Variants in HTR3B observed in about 807,000 individuals in gnomAD.
HTR3B encodes the protein 5-hydroxytryptamine (serotonin) receptor 3B, ionotropic.
HTR3B carries 44 observed loss-of-function variants against 42.8 expected under a neutral mutation model. The ratio of observed to expected loss-of-function variants is 1.03; its 90% CI spans 0.81 to 1.32. The LOEUF is 1.32. Among genes scored for constraint, HTR3B ranks in the 40% most tolerant of loss-of-function variants. The probability of loss-of-function intolerance (pLI) is 0.00; values close to 1 mark genes in which losing one functional copy is unlikely to be tolerated. For missense variants in HTR3B, 527 were observed against 536.5 expected, an observed-to-expected ratio of 0.98 and a Z score of 0.17; for synonymous variants, 203 against 209.0, an observed-to-expected ratio of 0.97 and a Z score of 0.25.
chr11:113,914,967 T>A (rs1364139942), intron 2 of HTR3B, among the ~76,000 whole-genome samples: 1 of 152,218 alleles, frequency 6.6e-6, no homozygotes, highest in African/African-American at 2.4e-5. Context: ...TGCTAATTTG[T>A]ATTTTTAAGA....
intron 2 of HTR3B, among the ~76,000 whole-genome samples, chr11:113,927,452 G>A (rs1045538164): frequency 2.0e-5 from 3 of 152,014 alleles, no homozygotes; most frequent in Admixed American, 1.3e-4. Context: ...AAAAATTCAC[G>A]TAATTCAAAT....
intron 8 of HTR3B, among the ~76,000 whole-genome samples, chr11:113,945,627 T>C (rs1485682418): frequency 1.1e-4 from 16 of 152,194 alleles, no homozygotes; most frequent in Non-Finnish European, 2.9e-5. Flanking sequence ...CTGAGTCCAT[T>C]TGGGCTGACC....
rs772660912 is a variant in HTR3B, at chr11:113,904,959, T to C, written c.26T>C (p.Leu9Pro). 7 of 1,613,700 alleles carry C rather than the reference T, an allele frequency of 4.3e-6. No homozygotes were observed. Among genetic ancestry groups the C allele is most frequent in the East Asian group, 4.5e-5 (2 of 44,876 alleles). ...ATGTTGTCAAGTGTAATGGCTCCCC[T>C]GTGGGCCTGCATCCTGGTGGCTGCA... Reference protein sequence around the residue: MLSSVMAPLWACILVAAGI... With the variant: MLSSVMAPPWACILVAAGI... Residue 9 changes from leucine to proline, a missense_variant, in exon 1 of 9, where the codon CTG becomes CCG. Leu to Pro is a moderately conservative substitution (Grantham distance 98, BLOSUM62 -3). Coordinates refer to ENST00000260191, the MANE Select transcript of HTR3B (RefSeq NM_006028.5).
At chr11:113,901,600 T>C (rs567656187), upstream of HTR3B, among the ~76,000 whole-genome samples, 20 of 152,182 alleles carry the variant, frequency 1.3e-4, no homozygotes, top group Non-Finnish European at 2.6e-4. Context: ...TGAAGACAAG[T>C]CACTCATACA....
Position 113,909,342 on chromosome 11 carries a change from C to A in HTR3B, c.100C>A (p.His34Asn), listed in dbSNP as rs868385001. Residue 34 changes from histidine (H) to asparagine (N), a missense_variant, in exon 2 of 9, where the codon CAT becomes AAT. By Grantham distance (68) the His-to-Asn change is moderately conservative (BLOSUM62 1). Transcript: ENST00000260191. ...THHPQDSALY[H>N]LSKQLLQKYH... ...TCATCCCCAGGATTCTGCTCTGTAT[C>A]ATCTCAGCAAGCAGCTATTACAGAA... 1 of 1,612,514 alleles carries A rather than the reference C, an allele frequency of 6.2e-7. No individual in the cohort carries two copies. Among genetic ancestry groups the A allele is most frequent in the Non-Finnish European group, 8.5e-7 (1 of 1,178,466 alleles).
intron 6 of HTR3B, among the ~76,000 whole-genome samples, chr11:113,936,445 T>G (rs2137529656): frequency 6.6e-6 from 1 of 152,300 alleles, no homozygotes; most frequent in African/African-American, 2.4e-5. Flanking sequence ...GTTATAATTT[T>G]TTTTCTAGAT....
At chr11:113,929,447 T>A (rs1456202178) in intron 2 of HTR3B, among the ~76,000 whole-genome samples, 2 of 152,192 alleles carry the variant, frequency 1.3e-5, no homozygotes. Context: ...CTTTTCACTG[T>A]ATACTCACAT....
chr11:113,948,588 G>T lies in HTR3B; in HGVS notation c.*2451G>T, dbSNP rs917882084. Among the ~76,000 whole-genome samples the T allele has an allele frequency of 6.6e-6, 1 of 152,370 alleles. No individual in the cohort carries two copies. The highest frequency in any genetic ancestry group is 1.9e-4 in the East Asian group (1 of 5,184). On this transcript the variant is annotated 3_prime_UTR_variant, in exon 9 of 9. Transcript: ENST00000260191. The stretch of plus-strand genomic sequence containing the variant: ...AATGCTTTGAAAAGTAAATAATGGG[G>T]CGTGGTGGCTCACGCCTATAATCCC...
chr11:113,944,461 A>AG (rs1180218666), intron 7 of HTR3B, 112 bp from the exon 8 acceptor site: 2 of 927,132 alleles, frequency 2.2e-6, no homozygotes, highest in Non-Finnish European at 3.4e-6. Flanking sequence ...TGATTGCACC[A>AG]CTGCACTCCA....
At chr11:113,915,856 T>C (rs58306921) in intron 2 of HTR3B, among the ~76,000 whole-genome samples, 1,845 of 152,282 alleles carry the variant, frequency 0.012, 30 homozygotes, top group African/African-American at 0.042. Flanking sequence ...GTTTTTTTTT[T>C]AGACGGAGTC....
chr11:113,940,710 C>G (rs1011585754), intron 6 of HTR3B, among the ~76,000 whole-genome samples: 15 of 152,208 alleles, frequency 9.9e-5, no homozygotes, highest in African/African-American at 3.6e-4. Context: ...GCTCCCAGAC[C>G]CAATGGCTGG....
chr11:113,902,583 C>A (rs186865568), upstream of HTR3B, among the ~76,000 whole-genome samples: 3 of 152,302 alleles, frequency 2.0e-5, no homozygotes, highest in Non-Finnish European at 2.9e-5. Context: ...AGGCGTGAGC[C>A]ACTGTGTGCG....
intron 2 of HTR3B, among the ~76,000 whole-genome samples, chr11:113,927,724 G>A (rs556477114): frequency 2.6e-5 from 4 of 151,856 alleles, no homozygotes; most frequent in South Asian, 2.1e-4. Flanking sequence ...CACTAAGCCC[G>A]GCTAATTTTT....
chr11:113,945,288 C>A (rs1429274810), intron 8 of HTR3B, among the ~76,000 whole-genome samples: 3 of 151,806 alleles, frequency 2.0e-5, no homozygotes. Flanking sequence ...GCGTGTGCCA[C>A]CATGCCTTGC....
At chr11:113,931,998 T>A in intron 4 of HTR3B, 131 bp downstream of exon 4, 2 of 689,236 alleles carry the variant, frequency 2.9e-6, no homozygotes, top group African/African-American at 1.8e-5. Context: ...GTTGGGAGTA[T>A]TCAGGTTAGA....
At chr11:113,944,022 CT>C (rs368033697) in intron 7 of HTR3B, among the ~76,000 whole-genome samples, 61,125 of 133,752 alleles carry the variant, frequency 0.46, 14,526 homozygotes, top group African/African-American at 0.65. Context: ...GTCTCTCTCT[CT>C]TTTTTTTTTT....
At chr11:113,906,165 C>T (rs1949731795) in intron 1 of HTR3B, among the ~76,000 whole-genome samples, 1 of 152,196 alleles carries the variant, frequency 6.6e-6, no homozygotes, top group Non-Finnish European at 1.5e-5. Context: ...CAGTGCTTTA[C>T]CATAAATCAT....
chr11:113,948,020 C>G lies in HTR3B; in HGVS notation c.*1883C>G, dbSNP rs1244380556. 6.6e-6 allele frequency among the ~76,000 whole-genome samples: 1 copy of G among 151,860 alleles called. No homozygotes were observed. The highest frequency in any genetic ancestry group is 6.6e-5 in the Admixed American group (1 of 15,230). The stretch of plus-strand genomic sequence containing the variant: ...AGAAAAAGAATTTAAATTCAAACAG[C>G]CTTTACCTGCATCTTCCCTCTCTCA... On this transcript the variant is annotated 3_prime_UTR_variant, in exon 9 of 9. Coordinates refer to ENST00000260191, the MANE Select transcript of HTR3B (RefSeq NM_006028.5).
intron 6 of HTR3B, among the ~76,000 whole-genome samples, chr11:113,939,674 T>G (rs909393915): frequency 1.3e-5 from 2 of 152,200 alleles, no homozygotes; most frequent in South Asian, 4.1e-4. Context: ...AGAGGTGTCA[T>G]CTCAGCTTGT....
Sources: allele counts gnomAD v4.1 joint callset (sites outside exome capture counted in the v4.1 genomes callset), GRCh38; gene constraint gnomAD v4.1.1; transcripts MANE v1.5; gene names NCBI Gene and HGNC (gene_info 2026-07-23, HGNC 2026-07-21).